The following SLC35F3 variants were observed in gnomAD, a reference collection of about 807,000 sequenced individuals.
The protein encoded by SLC35F3 is solute carrier family 35 member F3, also known as putative thiamine transporter SLC35F3.
Under a neutral mutation model 49.9 loss-of-function variants are expected in SLC35F3, and 25 were observed. The observed-to-expected ratio is 0.50, with a 90% CI of 0.37 to 0.70. The LOEUF (loss-of-function observed/expected upper bound fraction) is 0.70. Among genes scored for constraint, SLC35F3 ranks in the 30% least tolerant of loss-of-function variants. SLC35F3 has a pLI of 0.00. For missense variants in SLC35F3, 525 were observed against 639.8 expected, an observed-to-expected ratio of 0.82 and a Z score of 1.94; for synonymous variants, 275 against 265.4, an observed-to-expected ratio of 1.04 and a Z score of -0.35.
chr1:233,963,582 T>C (rs1032055547), intron 2 of SLC35F3, among the ~76,000 whole-genome samples: 1 of 152,098 alleles, frequency 6.6e-6, no homozygotes, highest in Non-Finnish European at 1.5e-5. Flanking sequence ...ATTACAGGCA[T>C]GAGCCACCGT....
chr1:234,092,709 A>G (rs1456076553), intron 2 of SLC35F3, among the ~76,000 whole-genome samples: 1 of 152,076 alleles, frequency 6.6e-6, no homozygotes, highest in African/African-American at 2.4e-5. Flanking sequence ...TTCTGCAAAA[A>G]TTTAAAAATT....
Position 234,209,945 on chromosome 1 carries a change from T to C in SLC35F3, c.284-21472T>C, listed in dbSNP as rs183676350. ...TAGAATTTTAAAAACAGACAAATAT[T>C]TATTGAGCACTTACGATATGGTTTG... On this transcript the variant is annotated intron_variant, in intron 2 of 7. Transcript: ENST00000366618. Among the ~76,000 whole-genome samples, 14 of 152,298 alleles carry C rather than the reference T, an allele frequency of 9.2e-5. No individual in the cohort carries two copies. In the East Asian group the frequency reaches 1.9e-3, roughly 21 times the overall value.
At chr1:234,100,056 TAG>T (rs1284339253) in intron 2 of SLC35F3, among the ~76,000 whole-genome samples, 1 of 152,252 alleles carries the variant, frequency 6.6e-6, no homozygotes, top group Non-Finnish European at 1.5e-5. Context: ...TCTGCATGAT[TAG>T]GTGTTGTGAA....
At chr1:233,981,325 C>T (rs1418619481) in intron 2 of SLC35F3, among the ~76,000 whole-genome samples, 7 of 152,260 alleles carry the variant, frequency 4.6e-5, no homozygotes, top group East Asian at 1.9e-4. Context: ...CTTTTTCTGC[C>T]GCCTCTAACC....
chr1:234,193,244 G>T (rs1311464487), intron 2 of SLC35F3, among the ~76,000 whole-genome samples: 1 of 152,080 alleles, frequency 6.6e-6, no homozygotes, highest in Non-Finnish European at 1.5e-5. Flanking sequence ...ATAAAAATAG[G>T]CACATAGACC....
intron 1 of SLC35F3, 145 bp downstream of exon 1, chr1:233,905,275 C>A: frequency 1.1e-6 from 1 of 928,434 alleles, no homozygotes; most frequent in South Asian, 1.6e-5. Flanking sequence ...AAGTTTCAGT[C>A]ATTCTTTCCC....
At chr1:234,119,711 T>G (rs144579055) in intron 2 of SLC35F3, among the ~76,000 whole-genome samples, 1 of 152,340 alleles carries the variant, frequency 6.6e-6, no homozygotes, top group East Asian at 1.9e-4. Context: ...CTCTGTTTTA[T>G]CTGTGCCAGC....
chr1:234,112,117 G>A (rs1287853194), intron 2 of SLC35F3, among the ~76,000 whole-genome samples: 1 of 152,166 alleles, frequency 6.6e-6, no homozygotes, highest in Non-Finnish European at 1.5e-5. Flanking sequence ...GTGGCAGGAG[G>A]ATCACTTGAG....
chr1:234,156,265 G>T (rs1393445676), intron 2 of SLC35F3, among the ~76,000 whole-genome samples: 1 of 152,170 alleles, frequency 6.6e-6, no homozygotes, highest in African/African-American at 2.4e-5. Context: ...GGAGAATGTG[G>T]TAAAGTTGAA....
At chr1:234,267,454 G>A (rs1572124661) in intron 3 of SLC35F3, among the ~76,000 whole-genome samples, 2 of 104,116 alleles carry the variant, frequency 1.9e-5, no homozygotes, top group Non-Finnish European at 3.9e-5. Flanking sequence ...AGTAGGGGCG[G>A]CCGGGCAGAA....
chr1:234,259,441 C>A (rs1454624998), intron 3 of SLC35F3, among the ~76,000 whole-genome samples: 1 of 152,076 alleles, frequency 6.6e-6, no homozygotes, highest in African/African-American at 2.4e-5. Context: ...TAGAAAGTTC[C>A]AGGATGCTTC....
chr1:234,304,689 A>G (rs899703142), intron 3 of SLC35F3, among the ~76,000 whole-genome samples: 118 of 152,138 alleles, frequency 7.8e-4, no homozygotes, highest in Non-Finnish European at 2.4e-4. Flanking sequence ...CACACCATCT[A>G]TCTCCTATGT....
At chr1:233,978,431 G>A (rs1331804560) in intron 2 of SLC35F3, among the ~76,000 whole-genome samples, 2 of 152,222 alleles carry the variant, frequency 1.3e-5, no homozygotes, top group Non-Finnish European at 2.9e-5. Context: ...AGACTTGTGT[G>A]TAGAATACAT....
chr1:233,951,350 C>T (rs532407200), intron 2 of SLC35F3, among the ~76,000 whole-genome samples: 1 of 151,998 alleles, frequency 6.6e-6, no homozygotes, highest in East Asian at 1.9e-4. Flanking sequence ...ATGTTCTAGG[C>T]CTTCACGTTC....
At chr1:234,319,612 G>T (rs911032474) in intron 6 of SLC35F3, among the ~76,000 whole-genome samples, 1 of 152,164 alleles carries the variant, frequency 6.6e-6, no homozygotes, top group South Asian at 2.1e-4. Flanking sequence ...TGAAGTGGGA[G>T]GATCACTTGA....
chr1:234,091,210 G>A (rs901224433), intron 2 of SLC35F3, among the ~76,000 whole-genome samples: 2 of 151,890 alleles, frequency 1.3e-5, no homozygotes, highest in East Asian at 3.9e-4. Context: ...TAACTATGAT[G>A]ATAGCTTGAC....
At chr1:234,267,616 G>A (rs1270630943) in intron 3 of SLC35F3, among the ~76,000 whole-genome samples, 9 of 150,944 alleles carry the variant, frequency 6.0e-5, no homozygotes, top group Admixed American at 2.0e-4. Flanking sequence ...TGGATGGGGC[G>A]GCTGGCCAGG....
At chr1:234,219,890 AAC>A (rs140719808) in intron 2 of SLC35F3, among the ~76,000 whole-genome samples, 6 of 152,296 alleles carry the variant, frequency 3.9e-5, no homozygotes, top group African/African-American at 1.4e-4. Flanking sequence ...GGGAGGTGAG[AAC>A]ACAGCATTTC....
chr1:234,219,661 T>C (rs899339191), intron 2 of SLC35F3, among the ~76,000 whole-genome samples: 4 of 152,216 alleles, frequency 2.6e-5, no homozygotes, highest in Admixed American at 2.0e-4. Flanking sequence ...AGATGGCCCC[T>C]GCGCAGCACT....
Sources: allele counts gnomAD v4.1 joint callset (sites outside exome capture counted in the v4.1 genomes callset), GRCh38; gene constraint gnomAD v4.1.1; transcripts MANE v1.5; gene names NCBI Gene and HGNC (gene_info 2026-07-23, HGNC 2026-07-21).